SBF2: variants seen among roughly 807,000 people sequenced by gnomAD.
SBF2 encodes SET binding factor 2, also known as myotubularin-related protein 13.
SBF2 carries 112 observed loss-of-function variants against 225.2 expected under a neutral mutation model. The observed-to-expected ratio is 0.50, with a 90% CI of 0.43 to 0.58. The LOEUF is 0.58. Among genes scored for constraint, SBF2 ranks in the 20% least tolerant of loss-of-function variants. The pLI is 0.00. For missense variants in SBF2, 1,996 were observed against 2,206.2 expected, an observed-to-expected ratio of 0.90 and a Z score of 1.91; for synonymous variants, 763 against 773.3, an observed-to-expected ratio of 0.99 and a Z score of 0.22.
At chr11:10,239,688 C>A (rs1412458673) in intron 1 of SBF2, among the ~76,000 whole-genome samples, 1 of 138,064 alleles carries the variant, frequency 7.2e-6, no homozygotes, top group East Asian at 2.0e-4. Flanking sequence ...AACTAATGAT[C>A]ATTAATGTTT....
intron 16 of SBF2, among the ~76,000 whole-genome samples, chr11:9,919,146 C>T (rs180822271): frequency 6.6e-5 from 10 of 152,018 alleles, no homozygotes; most frequent in South Asian, 2.1e-4. Flanking sequence ...TTCTTCAGTT[C>T]GTAATTCCTA....
chr11:10,166,342 A>T (rs749762769), intron 2 of SBF2, among the ~76,000 whole-genome samples: 50 of 152,328 alleles, frequency 3.3e-4, no homozygotes, highest in Non-Finnish European at 6.6e-4. Context: ...AATGAAGGTC[A>T]TACTCTATTA....
chr11:9,993,501 T>C (rs1424734311), intron 10 of SBF2, among the ~76,000 whole-genome samples: 2 of 152,258 alleles, frequency 1.3e-5, no homozygotes, highest in African/African-American at 4.8e-5. Context: ...GGCTTCTAAT[T>C]GAAACTATTT....
intron 8 of SBF2, among the ~76,000 whole-genome samples, chr11:9,999,880 C>T (rs1947880781): frequency 2.0e-5 from 3 of 152,152 alleles, no homozygotes; most frequent in African/African-American, 4.8e-5. Context: ...GATTTGGTTA[C>T]AACTATAATT....
intron 2 of SBF2, among the ~76,000 whole-genome samples, chr11:10,137,327 G>A (rs1954422623): frequency 6.6e-6 from 1 of 152,168 alleles, no homozygotes; most frequent in South Asian, 2.1e-4. Context: ...TACACATAAT[G>A]ATGTCAACTA....
chr11:10,132,051 TA>T (rs965594639), intron 2 of SBF2, among the ~76,000 whole-genome samples: 15 of 152,322 alleles, frequency 9.8e-5, no homozygotes, highest in South Asian at 6.2e-4. Flanking sequence ...AGGTCAAGAT[TA>T]TTTTTTTGGT....
At chr11:9,797,077 C>T (rs989516448) in intron 32 of SBF2, among the ~76,000 whole-genome samples, 6 of 152,122 alleles carry the variant, frequency 3.9e-5, no homozygotes, top group African/African-American at 1.2e-4. Flanking sequence ...TGTACTTGCT[C>T]AAAAGCTGGT....
chr11:10,000,055 G>A (rs1054124950), intron 8 of SBF2, among the ~76,000 whole-genome samples: 4 of 152,160 alleles, frequency 2.6e-5, no homozygotes, highest in South Asian at 2.1e-4. Context: ...TACAGTGCTT[G>A]AGAGTACACT....
chr11:10,004,073 T>C (rs1948086808), intron 6 of SBF2, among the ~76,000 whole-genome samples: 1 of 152,202 alleles, frequency 6.6e-6, no homozygotes, highest in Non-Finnish European at 1.5e-5. Flanking sequence ...TCAGAATTTT[T>C]AGTTCAGATT....
intron 1 of SBF2, among the ~76,000 whole-genome samples, chr11:10,212,667 A>G (rs550570743): frequency 6.6e-6 from 1 of 152,366 alleles, no homozygotes; most frequent in African/African-American, 2.4e-5. Flanking sequence ...TCAAGACCTT[A>G]GTGAGCTACC....
intron 16 of SBF2, among the ~76,000 whole-genome samples, chr11:9,942,915 G>GAAAGAAAT (rs1403586826): frequency 1.5e-5 from 1 of 67,546 alleles, no homozygotes; most frequent in Non-Finnish European, 4.3e-5. Context: ...AAGAAAGAAA[G>GAAAGAAAT]AAAGAAAGAA....
chr11:9,916,043 G>A (rs1863060052), intron 16 of SBF2, among the ~76,000 whole-genome samples: 1 of 152,158 alleles, frequency 6.6e-6, no homozygotes. Flanking sequence ...CAGCCCAAGT[G>A]ACAGAGTGAG....
intron 16 of SBF2, among the ~76,000 whole-genome samples, chr11:9,908,849 TA>T (rs1266980625): frequency 1.1e-5 from 1 of 87,574 alleles, no homozygotes; most frequent in Non-Finnish European, 2.0e-5. Flanking sequence ...TGCGCATGGC[TA>T]ATTTTTTTTT....
chr11:10,159,944 T>G (rs556807885), intron 2 of SBF2, among the ~76,000 whole-genome samples: 14 of 152,036 alleles, frequency 9.2e-5, no homozygotes, highest in African/African-American at 3.4e-4. Flanking sequence ...TGAGTAATGA[T>G]AAAACTCTGG....
At chr11:9,941,867 T>C (rs1452376615) in intron 16 of SBF2, among the ~76,000 whole-genome samples, 1 of 152,084 alleles carries the variant, frequency 6.6e-6, no homozygotes, top group Non-Finnish European at 1.5e-5. Flanking sequence ...ATTGCCAACA[T>C]AGAAAACAGA....
At chr11:9,992,575 T>C in intron 11 of SBF2, 32 bp from the exon 12 acceptor site, 1 of 1,602,924 alleles carries the variant, frequency 6.2e-7, no homozygotes. Context: ...AATAATAATT[T>C]ATCACTTGGT....
chr11:9,833,381 A>G (rs1359628455), intron 26 of SBF2, among the ~76,000 whole-genome samples: 1 of 151,682 alleles, frequency 6.6e-6, no homozygotes, highest in Non-Finnish European at 1.5e-5. Flanking sequence ...TTTTATATTT[A>G]TAACCTCCTA....
chr11:10,054,377 T>C (rs1211813418), intron 2 of SBF2, among the ~76,000 whole-genome samples: 2 of 152,142 alleles, frequency 1.3e-5, no homozygotes, highest in Non-Finnish European at 2.9e-5. Context: ...AATAAGCAAT[T>C]AGAAAAAAGA....
At chr11:9,921,312 C>T (rs1863614468) in intron 16 of SBF2, among the ~76,000 whole-genome samples, 2 of 152,212 alleles carry the variant, frequency 1.3e-5, no homozygotes, top group Admixed American at 6.5e-5. Flanking sequence ...TCAGGTTATC[C>T]GCCCGCCTGG....
Sources: allele counts gnomAD v4.1 joint callset (sites outside exome capture counted in the v4.1 genomes callset), GRCh38; gene constraint gnomAD v4.1.1; transcripts MANE v1.5; gene names NCBI Gene and HGNC (gene_info 2026-07-23, HGNC 2026-07-21).